Variants in GSDME observed in about 807,000 individuals in gnomAD.
GSDME encodes gasdermin-E.
In GSDME, 44 loss-of-function variants were observed where a neutral mutation model predicts 47.5. The observed-to-expected ratio is 0.93, with a 90% CI of 0.73 to 1.19. GSDME has a LOEUF of 1.19. Among genes scored for constraint, GSDME ranks in the 50% most tolerant of loss-of-function variants. The pLI is 0.00. For synonymous variants in GSDME, 258 were observed against 252.8 expected, an observed-to-expected ratio of 1.02 and a Z score of -0.20; for missense variants, 663 against 604.2, an observed-to-expected ratio of 1.10 and a Z score of -1.02.
the GSDME span, among the ~76,000 whole-genome samples, chr7:24,774,039 A>C: frequency 6.6e-6 from 1 of 152,136 alleles, no homozygotes; most frequent in Admixed American, 6.5e-5. Flanking sequence ...TAGGAGGAGA[A>C]AATGTTGTCT....
At chr7:24,717,477 G>T in intron 4 of GSDME, 103 bp from the exon 5 acceptor site, 4 of 1,557,664 alleles carry the variant, frequency 2.6e-6, no homozygotes, top group Non-Finnish European at 3.5e-6. Flanking sequence ...GAGATGCTGA[G>T]CAATGTCCAC....
chr7:24,699,090 A>T lies in GSDME; in HGVS notation c.1427T>A (p.Val476Asp), dbSNP rs1355423742. The T allele has an allele frequency of 1.9e-6, 3 of 1,614,010 alleles. No homozygotes were observed. In the African/African-American group the frequency reaches 4.0e-5, roughly 22 times the overall value. ...GGTTATACAAAGAAGCAGTGGGAAG[A>T]CTTTAGAGTCCTTCAGAATGACAGC... ...VKAVILKDSK[V>D]FPLLLCITLN... The change falls in exon 10 of 10, where the codon GTC (valine) becomes GAC (aspartate). Residue 476 changes from valine to aspartate, a missense_variant. Val to Asp is a radical substitution (Grantham distance 152). Coordinates refer to ENST00000645220, the MANE Select transcript of GSDME (RefSeq NM_001127453.2).
chr7:24,718,939 T>C, intron 4 of GSDME, 108 bp downstream of exon 4: 5 of 1,274,914 alleles, frequency 3.9e-6, no homozygotes, highest in Non-Finnish European at 4.5e-6. Context: ...TTCTGTTAAC[T>C]TGCTACGGAA....
At chr7:24,771,351 G>T in the GSDME span, among the ~76,000 whole-genome samples, 3 of 152,186 alleles carry the variant, frequency 2.0e-5, no homozygotes, top group Non-Finnish European at 2.9e-5. This position sits in a 1 kb window ranked among gnomAD's most constrained non-coding sequence, Gnocchi z 4.1. Flanking sequence ...TTTAGAGTCA[G>T]CAGAAACAGC....
intron 3 of GSDME, among the ~76,000 whole-genome samples, chr7:24,734,599 A>G (rs543141177): frequency 3.3e-5 from 5 of 152,378 alleles, no homozygotes; most frequent in Non-Finnish European, 7.3e-5. Context: ...AGAGATTGCA[A>G]TAATTTAAAA....
intron 5 of GSDME, among the ~76,000 whole-genome samples, chr7:24,713,334 G>GA (rs1051940869): frequency 1.3e-5 from 2 of 152,180 alleles, no homozygotes; most frequent in Non-Finnish European, 2.9e-5. Context: ...GGGAAGGTTG[G>GA]AAAATCCTTC....
Position 24,708,171 on chromosome 7 carries a change from C to T in GSDME, c.946G>A (p.Ala316Thr), listed in dbSNP as rs762267881. The T allele has an allele frequency of 6.2e-7, 1 of 1,614,164 alleles. No homozygotes were observed. The highest frequency in any genetic ancestry group is 1.3e-5 in the African/African-American group (1 of 75,038). The change falls in exon 7 of 10, where the codon GCG (alanine) becomes ACG (threonine). Residue 316 changes from alanine (A) to threonine (T), a missense_variant. By Grantham distance (58) the Ala-to-Thr change is moderately conservative. Transcript: ENST00000645220. ...QQTALSDIFQ[A>T]VLFDDELLMV... ...AGTAGTTCATCATCAAATAGGACCG[C>T]CTGGAAGATGTCACTCAAAGCTGTC...
rs1471894506 is a variant in GSDME at position 24,721,751 on chromosome 7, C to G, written c.405-2533G>C. Among the ~76,000 whole-genome samples, 2 of 152,232 alleles carry G rather than the reference C, an allele frequency of 1.3e-5. No homozygotes were observed. The highest frequency in any genetic ancestry group is 4.8e-5 in the African/African-American group (2 of 41,458). Reference sequence around the variant, plus strand: ...GAATCAGAGGTACGTTTCCACATCACTCCCTTCTTAAAAGCCTTCAATGGC... The same window carrying G: ...GAATCAGAGGTACGTTTCCACATCAGTCCCTTCTTAAAAGCCTTCAATGGC... On this transcript the variant is annotated intron_variant, in intron 3 of 9. Transcript: ENST00000645220. The surrounding 1 kb of genome is among the most constrained non-coding windows in gnomAD (Gnocchi z 4.1).
At chr7:24,737,281 CAAAT>C (rs1790340067) in intron 3 of GSDME, among the ~76,000 whole-genome samples, 1 of 151,240 alleles carries the variant, frequency 6.6e-6, no homozygotes, top group Non-Finnish European at 1.5e-5. Flanking sequence ...AGAGAAGACC[CAAAT>C]AAATAAAATC....
intron 1 of GSDME, among the ~76,000 whole-genome samples, chr7:24,751,663 A>C (rs1438794570): frequency 6.6e-6 from 1 of 152,258 alleles, no homozygotes; most frequent in Non-Finnish European, 1.5e-5. Context: ...GCAAAGCAGC[A>C]TGACTAAGGA....
rs575138701 is a variant in GSDME, at chr7:24,739,071, G to A, written c.404+5491C>T. On this transcript the variant is annotated intron_variant, in intron 3 of 9. Transcript: ENST00000645220. The surrounding 1 kb of genome is among the most constrained non-coding windows in gnomAD (Gnocchi z 5.1). ...GGAAACTCTCTAGGACATTGAACTG[G>A]GCAAAGGTTTCTTGAGTAACATCCC... is the stretch of plus-strand genomic sequence containing the variant. Among the ~76,000 whole-genome samples the A allele has an allele frequency of 1.3e-5, 2 of 152,218 alleles. No individual in the cohort carries two copies. Among genetic ancestry groups the A allele is most frequent in the South Asian group, 4.2e-4 (2 of 4,812 alleles).
chr7:24,759,062 G>T (rs999922376), upstream of GSDME, among the ~76,000 whole-genome samples: 2 of 152,178 alleles, frequency 1.3e-5, no homozygotes, highest in Non-Finnish European at 2.9e-5. Flanking sequence ...ATGAAGAAGT[G>T]GTTCGAAATG....
chr7:24,795,515 A>C, the GSDME span, among the ~76,000 whole-genome samples: 1 of 152,256 alleles, frequency 6.6e-6, no homozygotes, highest in East Asian at 1.9e-4. Flanking sequence ...GTTGTGACCC[A>C]TTGAGCAAGC....
the GSDME span, among the ~76,000 whole-genome samples, chr7:24,774,991 T>C: frequency 6.6e-6 from 1 of 152,192 alleles, no homozygotes; most frequent in Admixed American, 6.5e-5. Context: ...AACTAAATAA[T>C]GCATAATAGG....
intron 4 of GSDME, among the ~76,000 whole-genome samples, chr7:24,718,541 TTTTG>T (rs1359274691): frequency 1.3e-5 from 2 of 152,218 alleles, no homozygotes; most frequent in African/African-American, 4.8e-5. Context: ...CTAGGGATTC[TTTTG>T]CATTTGGCCT....
intron 5 of GSDME, among the ~76,000 whole-genome samples, chr7:24,711,188 CAT>C (rs771539382): frequency 7.2e-5 from 11 of 152,276 alleles, no homozygotes; most frequent in Non-Finnish European, 1.2e-4. Flanking sequence ...TACTTTTTAA[CAT>C]GTGGGAAATG....
At chr7:24,729,915 G>GT (rs1434407447) in intron 3 of GSDME, among the ~76,000 whole-genome samples, 2 of 152,186 alleles carry the variant, frequency 1.3e-5, no homozygotes, top group Non-Finnish European at 2.9e-5. Flanking sequence ...GTAAGAGATG[G>GT]TTGGTGGAGG....
At chr7:24,718,692 T>A (rs2128053394) in intron 4 of GSDME, among the ~76,000 whole-genome samples, 1 of 152,238 alleles carries the variant, frequency 6.6e-6, no homozygotes, top group East Asian at 1.9e-4. Context: ...CCCGGGACGG[T>A]CTGGTGAGAC....
At chr7:24,783,004 A>T in the GSDME span, among the ~76,000 whole-genome samples, 4 of 152,220 alleles carry the variant, frequency 2.6e-5, no homozygotes, top group African/African-American at 9.7e-5. Context: ...TATTTTTGCA[A>T]ATCTAATTGA....
Sources: gnomAD v4.1 joint callset for allele counts (sites outside exome capture counted in the v4.1 genomes callset) on GRCh38, gnomAD v4.1.1 for gene constraint, Gnocchi (gnomAD v3.1) non-coding constraint, MANE v1.5 for transcripts, NCBI Gene and HGNC (gene_info 2026-07-23, HGNC 2026-07-21) for gene names.